ZNF536: variants seen among roughly 807,000 people sequenced by gnomAD.
The protein encoded by ZNF536 is zinc finger protein 536.
ZNF536 carries 13 observed loss-of-function variants against 84.5 expected under a neutral mutation model. The observed-to-expected ratio is 0.15, with a 90% CI of 0.10 to 0.24. The LOEUF (loss-of-function observed/expected upper bound fraction) is 0.24. Ranked by LOEUF, ZNF536 falls within the 10% of genes least tolerant of loss-of-function variation. The pLI is 1.00. For missense variants in ZNF536, 1,536 were observed against 1,747.5 expected (o/e 0.88, Z 2.16); for synonymous variants, 811 against 742.5 (o/e 1.09, Z -1.50).
In ZNF536 at chr19:30,444,122, A is replaced by G; in HGVS notation, c.560A>G (p.Lys187Arg). The G allele has an allele frequency of 6.2e-7, 1 of 1,610,968 alleles. No homozygotes were observed. The highest frequency in any genetic ancestry group is 1.3e-5 in the African/African-American group (1 of 75,020). The change falls in exon 2 of 5, where the codon AAG (lysine) becomes AGG (arginine). Residue 187 changes from lysine to arginine, a missense_variant. Lys to Arg is a conservative substitution (Grantham distance 26). Coordinates refer to ENST00000355537, the MANE Select transcript of ZNF536 (RefSeq NM_014717.3). ...LRTHKLGNLGKGRGRVREENR... is the reference protein window; with the variant it reads ...LRTHKLGNLGRGRGRVREENR... ...ACCCACAAGCTGGGCAACCTGGGCA[A>G]GGGGCGTGGGCGTGTGCGCGAGGAG...
intron 2 of ZNF536, among the ~76,000 whole-genome samples, chr19:30,322,301 A>G (rs1028209453): frequency 9.2e-5 from 14 of 152,104 alleles, no homozygotes; most frequent in Admixed American, 2.0e-4. Flanking sequence ...TAGTTTTTCT[A>G]TATAAAAAAA....
In ZNF536 at chr19:30,409,641, T is replaced by C. The variant is rs914628188; in HGVS notation, c.-2-33920T>C. Among the ~76,000 whole-genome samples the C allele has an allele frequency of 8.5e-5, 13 of 152,260 alleles. 1 individual carries two copies. Among genetic ancestry groups the C allele is most frequent in the African/African-American group, 2.9e-4 (12 of 41,472 alleles). On this transcript the variant is annotated intron_variant, in intron 1 of 4. Transcript: ENST00000355537. Reference sequence around the variant, plus strand: ...GCACATTTAAAGATTTGAATACCTGTTGCCAAATTGCCCTTCAGGCATGTT... The same window carrying C: ...GCACATTTAAAGATTTGAATACCTGCTGCCAAATTGCCCTTCAGGCATGTT...
At chr19:30,386,236 C>T (rs867548157) in intron 1 of ZNF536, among the ~76,000 whole-genome samples, 1 of 152,198 alleles carries the variant, frequency 6.6e-6, no homozygotes, top group African/African-American at 2.4e-5. Flanking sequence ...AAACTCACCT[C>T]ACTACAGAAG....
At chr19:30,309,537 T>A (rs997136122) in intron 2 of ZNF536, among the ~76,000 whole-genome samples, 2 of 152,236 alleles carry the variant, frequency 1.3e-5, no homozygotes, top group Non-Finnish European at 2.9e-5. Flanking sequence ...AATCAATTTA[T>A]CTTTCCCTCT....
At chr19:30,577,962 A>T (rs1433929251) in intron 1 of ZNF536, among the ~76,000 whole-genome samples, 1 of 152,234 alleles carries the variant, frequency 6.6e-6, no homozygotes, top group Admixed American at 6.5e-5. Flanking sequence ...GAGGAAAATG[A>T]ATCACTCTTT....
chr19:30,586,063 T>G (rs1182717580), intron 1 of ZNF536, among the ~76,000 whole-genome samples: 1 of 152,212 alleles, frequency 6.6e-6, no homozygotes, highest in African/African-American at 2.4e-5. Flanking sequence ...GAGCTTACAC[T>G]TAGTCTGTTT....
chr19:30,393,490 A>G (rs995808264), intron 1 of ZNF536, among the ~76,000 whole-genome samples: 1 of 152,212 alleles, frequency 6.6e-6, no homozygotes, highest in Non-Finnish European at 1.5e-5. Context: ...AGAGGGGCAG[A>G]TGTTCGTCAG....
chr19:30,611,123 C>T (rs978343131), intron 1 of ZNF536, among the ~76,000 whole-genome samples: 6 of 152,120 alleles, frequency 3.9e-5, no homozygotes, highest in East Asian at 1.9e-4. Context: ...CAGAAGAACC[C>T]GGAGCCATTG....
chr19:30,484,797 T>C (rs117081904), intron 2 of ZNF536, among the ~76,000 whole-genome samples: 1,639 of 152,046 alleles, frequency 0.011, 21 homozygotes, highest in East Asian at 0.048. Flanking sequence ...ATCTCTTCTT[T>C]GTTATAAGGA....
At chr19:30,415,504 C>G (rs1600641421) in intron 1 of ZNF536, among the ~76,000 whole-genome samples, 1 of 151,264 alleles carries the variant, frequency 6.6e-6, no homozygotes, top group East Asian at 1.9e-4. Flanking sequence ...AGAAATTTTC[C>G]CATCAGCTGG....
At chr19:30,374,648 G>T (rs1039746910) in intron 1 of ZNF536, among the ~76,000 whole-genome samples, 5 of 151,664 alleles carry the variant, frequency 3.3e-5, no homozygotes, top group Admixed American at 2.0e-4. Context: ...TAATTTTTTG[G>T]CAAGAAAACA....
chr19:30,458,454 T>TTTG (rs1568451886), intron 2 of ZNF536, among the ~76,000 whole-genome samples: 7 of 144,592 alleles, frequency 4.8e-5, no homozygotes, highest in East Asian at 2.0e-4. Flanking sequence ...GCTGTTTTTT[T>TTTG]TTTTTTTTTT....
At position 30,524,190 on chromosome 19, in the gene ZNF536, C is replaced by T. The variant is rs543482516; in HGVS notation, c.2171-10657C>T. On this transcript the variant is annotated intron_variant, in intron 2 of 4. Transcript: ENST00000355537. ...TCAAGTCAGCCCCAAACTGTACATG[C>T]GTACAGCCTGGGAGAGGTAATTGTT... Among the ~76,000 whole-genome samples, 35 of 152,284 alleles carry T rather than the reference C, an allele frequency of 2.3e-4. No individual in the cohort carries two copies. In the South Asian group the frequency reaches 3.9e-3, roughly 17 times the overall value.
At chr19:30,576,120 T>C (rs992619181) in intron 1 of ZNF536, among the ~76,000 whole-genome samples, 6 of 152,184 alleles carry the variant, frequency 3.9e-5, no homozygotes, top group African/African-American at 1.2e-4. Flanking sequence ...ACAGATGCCA[T>C]AGTGCCTCTG....
intron 2 of ZNF536, among the ~76,000 whole-genome samples, chr19:30,479,351 T>A (rs1216337776): frequency 1.3e-5 from 2 of 152,090 alleles, no homozygotes; most frequent in Non-Finnish European, 2.9e-5. Context: ...GCAGCCTTCA[T>A]TTTGTCCAAA....
intron 1 of ZNF536, among the ~76,000 whole-genome samples, chr19:30,606,710 G>A (rs894330166): frequency 2.6e-5 from 4 of 152,126 alleles, no homozygotes; most frequent in East Asian, 1.9e-4. Context: ...AGGCACAAAC[G>A]GGAGGGTGGC....
chr19:30,458,361 G>T (rs2052955541), intron 2 of ZNF536, among the ~76,000 whole-genome samples: 1 of 151,548 alleles, frequency 6.6e-6, no homozygotes, highest in South Asian at 2.1e-4. Context: ...CCATGGCTTG[G>T]GGGTGATTTT....
chr19:30,365,272 T>C (rs551094688), intron 3 of ZNF536, among the ~76,000 whole-genome samples: 6 of 152,286 alleles, frequency 3.9e-5, no homozygotes, highest in Non-Finnish European at 5.9e-5. Context: ...TCTTGTTCTT[T>C]CTCTTCTTCA....
At chr19:30,592,069 G>A (rs1281726802) in intron 1 of ZNF536, among the ~76,000 whole-genome samples, 2 of 152,142 alleles carry the variant, frequency 1.3e-5, no homozygotes, top group African/African-American at 4.8e-5. Context: ...TTTATTTATA[G>A]ATGGCAACAA....
Sources: allele counts gnomAD v4.1 joint callset (sites outside exome capture counted in the v4.1 genomes callset), GRCh38; gene constraint gnomAD v4.1.1; transcripts MANE v1.5; gene names NCBI Gene and HGNC (gene_info 2026-07-23, HGNC 2026-07-21).